NEO1: variants seen among roughly 807,000 people sequenced by gnomAD.
The protein encoded by NEO1 is neogenin.
NEO1 carries 63 observed loss-of-function variants against 159.7 expected under a neutral mutation model. The observed-to-expected ratio is 0.39, with a 90% CI of 0.32 to 0.49. The LOEUF (loss-of-function observed/expected upper bound fraction) is 0.49, where lower values mean the gene tolerates loss of function less well. Ranked by LOEUF, NEO1 falls within the 20% of genes least tolerant of loss-of-function variation. The pLI is 0.85. For synonymous variants in NEO1, 633 were observed against 662.0 expected, an observed-to-expected ratio of 0.96 and a Z score of 0.67; for missense variants, 1,615 against 1,831.0, an observed-to-expected ratio of 0.88 and a Z score of 2.15.
At chr15:73,220,535 T>G (rs2038179784) in intron 7 of NEO1, among the ~76,000 whole-genome samples, 2 of 152,244 alleles carry the variant, frequency 1.3e-5, no homozygotes, top group African/African-American at 4.8e-5. Flanking sequence ...TCCAACTTGG[T>G]TCCATTCTCC....
intron 1 of NEO1, among the ~76,000 whole-genome samples, chr15:73,079,390 AAT>A (rs2068932238): frequency 1.3e-5 from 2 of 152,192 alleles, no homozygotes. Flanking sequence ...GGACTTTTAA[AAT>A]ATATTTTTAC....
intron 1 of NEO1, among the ~76,000 whole-genome samples, chr15:73,069,681 T>C (rs570486642): frequency 1.3e-5 from 2 of 152,152 alleles, no homozygotes; most frequent in East Asian, 3.9e-4. Context: ...TACGTATATA[T>C]ATACGCACAC....
chr15:73,173,969 G>A (rs1259883847), intron 5 of NEO1, among the ~76,000 whole-genome samples: 1 of 151,872 alleles, frequency 6.6e-6, no homozygotes, highest in Non-Finnish European at 1.5e-5. Flanking sequence ...ACGTGGTGGT[G>A]CACGTCTGTA....
intron 23 of NEO1, among the ~76,000 whole-genome samples, chr15:73,284,340 T>G (rs944799161): frequency 3.3e-5 from 5 of 152,210 alleles, no homozygotes; most frequent in African/African-American, 9.6e-5. Flanking sequence ...AAGGCAAGAA[T>G]GCATGTATTT....
At chr15:73,095,458 A>T (rs2069963678) in intron 1 of NEO1, among the ~76,000 whole-genome samples, 1 of 152,118 alleles carries the variant, frequency 6.6e-6, no homozygotes, top group African/African-American at 2.4e-5. Context: ...AGAGCTGTTG[A>T]TTCATTAGGA....
intron 1 of NEO1, among the ~76,000 whole-genome samples, chr15:73,104,328 G>C (rs2070561961): frequency 6.6e-6 from 1 of 152,148 alleles, no homozygotes; most frequent in Admixed American, 6.5e-5. Context: ...TTAGGTTATT[G>C]TTCAAACCCT....
At chr15:73,296,196 C>G (rs990481354) in intron 26 of NEO1, among the ~76,000 whole-genome samples, 1 of 152,102 alleles carries the variant, frequency 6.6e-6, no homozygotes, top group African/African-American at 2.4e-5. Flanking sequence ...CAGGAGAGGC[C>G]GGTTTGCCCA....
intron 7 of NEO1, among the ~76,000 whole-genome samples, chr15:73,213,556 A>G (rs1429954167): frequency 1.3e-5 from 2 of 152,194 alleles, no homozygotes; most frequent in African/African-American, 4.8e-5. Flanking sequence ...CACTTTGAAT[A>G]ATAGCCTCCA....
chr15:73,187,506 A>G (rs1214660735), intron 7 of NEO1, among the ~76,000 whole-genome samples: 11 of 152,188 alleles, frequency 7.2e-5, no homozygotes, highest in Non-Finnish European at 1.3e-4. Context: ...GATACGTATC[A>G]TGTAGTACAG....
At chr15:73,238,280 T>G (rs1213227273) in intron 8 of NEO1, among the ~76,000 whole-genome samples, 52 of 134,194 alleles carry the variant, frequency 3.9e-4, no homozygotes, top group African/African-American at 1.3e-3. Context: ...GGTTTTTTTT[T>G]TTTTTTTTTT....
intron 16 of NEO1, 111 bp downstream of exon 16, chr15:73,266,522 T>A (rs1186615987): frequency 1.5e-6 from 1 of 679,870 alleles, no homozygotes; most frequent in African/African-American, 1.8e-5. Flanking sequence ...ATATGGCAGT[T>A]TCGGGTGCTG....
At chr15:73,227,937 T>G (rs1311992094) in intron 7 of NEO1, among the ~76,000 whole-genome samples, 1 of 152,230 alleles carries the variant, frequency 6.6e-6, no homozygotes, top group African/African-American at 2.4e-5. Flanking sequence ...GGAGGCTGTT[T>G]GGTACAGTTA....
At chr15:73,128,439 A>G (rs1445274133) in intron 4 of NEO1, among the ~76,000 whole-genome samples, 2 of 152,136 alleles carry the variant, frequency 1.3e-5, no homozygotes, top group Non-Finnish European at 2.9e-5. Context: ...ATATATAATG[A>G]TTTTTTATGT....
At chr15:73,286,160 C>T (rs1205021857) in intron 23 of NEO1, among the ~76,000 whole-genome samples, 1 of 140,004 alleles carries the variant, frequency 7.1e-6, no homozygotes, top group Admixed American at 7.9e-5. Context: ...CTTGCTTATA[C>T]TCTTATGTCT....
At chr15:73,190,955 A>G (rs971632916) in intron 7 of NEO1, among the ~76,000 whole-genome samples, 1 of 152,116 alleles carries the variant, frequency 6.6e-6, no homozygotes, top group Non-Finnish European at 1.5e-5. Flanking sequence ...CTTAGGTCCC[A>G]TATCACTCCA....
At chr15:73,123,273 A>C (rs1415495207) in intron 3 of NEO1, among the ~76,000 whole-genome samples, 1 of 152,208 alleles carries the variant, frequency 6.6e-6, no homozygotes, top group Non-Finnish European at 1.5e-5. Flanking sequence ...TCCACTCTTT[A>C]GGGAATGCAT....
intron 5 of NEO1, among the ~76,000 whole-genome samples, chr15:73,172,741 A>G (rs2035045547): frequency 1.3e-5 from 2 of 152,364 alleles, no homozygotes; most frequent in Non-Finnish European, 1.5e-5. Flanking sequence ...AGAACAGATA[A>G]GCACTACACT....
chr15:73,176,149 T>G (rs1329334463), intron 5 of NEO1, among the ~76,000 whole-genome samples: 19 of 152,222 alleles, frequency 1.2e-4, no homozygotes, highest in Non-Finnish European at 1.8e-4. Context: ...ACTTAGTAAA[T>G]AGTTCCAAAT....
intron 8 of NEO1, among the ~76,000 whole-genome samples, chr15:73,242,357 G>C (rs1463799158): frequency 6.6e-6 from 1 of 152,082 alleles, no homozygotes; most frequent in Non-Finnish European, 1.5e-5. Context: ...GTAAGCTAGA[G>C]AAAAAATGTT....
Sources: allele counts gnomAD v4.1 joint callset (sites outside exome capture counted in the v4.1 genomes callset), GRCh38; gene constraint gnomAD v4.1.1; transcripts MANE v1.5; gene names NCBI Gene and HGNC (gene_info 2026-07-23, HGNC 2026-07-21).